Variants in EYS observed in about 807,000 individuals in gnomAD.
EYS encodes EGF-like photoreceptor maintenance factor.
EYS carries 250 observed loss-of-function variants against 282.1 expected under a neutral mutation model. The ratio of observed to expected loss-of-function variants is 0.89; its 90% CI spans 0.80 to 0.98. EYS has a LOEUF of 0.98. Among genes scored for constraint, EYS ranks in the 50% least tolerant of loss-of-function variants. The probability of loss-of-function intolerance (pLI) is 0.00; values close to 1 mark genes in which losing one functional copy is unlikely to be tolerated. For synonymous variants in EYS, 1,355 were observed against 1,282.9 expected, an observed-to-expected ratio of 1.06 and a Z score of -1.20; for missense variants, 4,016 against 3,709.0, an observed-to-expected ratio of 1.08 and a Z score of -2.15.
At chr6:65,511,030 C>T (rs974660911) in intron 2 of EYS, among the ~76,000 whole-genome samples, 2 of 152,164 alleles carry the variant, frequency 1.3e-5, no homozygotes, top group African/African-American at 4.8e-5. Context: ...ATTACTTTCT[C>T]ACCAATTCCT....
chr6:64,744,144 T>C (rs1772474947), intron 22 of EYS, among the ~76,000 whole-genome samples: 1 of 152,160 alleles, frequency 6.6e-6, no homozygotes, highest in Admixed American at 6.6e-5. Context: ...AAGCATATTT[T>C]GCCATTCAAT....
At chr6:64,383,234 G>C (rs1481058787) in intron 29 of EYS, among the ~76,000 whole-genome samples, 1 of 152,198 alleles carries the variant, frequency 6.6e-6, no homozygotes, top group African/African-American at 2.4e-5. Flanking sequence ...TCAGGAGGTC[G>C]AGGCTGCAGT....
At chr6:65,566,908 C>T (rs1470389245) in intron 2 of EYS, among the ~76,000 whole-genome samples, 2 of 152,032 alleles carry the variant, frequency 1.3e-5, no homozygotes, top group African/African-American at 4.8e-5. Flanking sequence ...AATTTGTTTA[C>T]CACAGAAACA....
At chr6:65,006,138 G>A (rs190091574) in intron 13 of EYS, among the ~76,000 whole-genome samples, 169 of 152,014 alleles carry the variant, frequency 1.1e-3, no homozygotes, top group African/African-American at 3.9e-3. Context: ...GGGCAGTTAC[G>A]TGGGACCCGT....
chr6:64,176,521 GTGTGTT>G (rs1764640149), intron 31 of EYS, among the ~76,000 whole-genome samples: 1 of 151,972 alleles, frequency 6.6e-6, no homozygotes, highest in African/African-American at 2.4e-5. Context: ...GTGTGTGTGT[GTGTGTT>G]TGTGTATGTA....
At chr6:64,986,956 C>T (rs187826382) in intron 14 of EYS, among the ~76,000 whole-genome samples, 1 of 151,376 alleles carries the variant, frequency 6.6e-6, no homozygotes, top group African/African-American at 2.4e-5. Context: ...AGAGTACTCT[C>T]TTTTTCCATT....
intron 31 of EYS, among the ~76,000 whole-genome samples, chr6:64,123,222 G>A (rs11965290): frequency 0.068 from 10,310 of 152,122 alleles, 1,063 homozygotes; most frequent in African/African-American, 0.23. Flanking sequence ...TATTCCATTC[G>A]AGCATAGCAT....
Position 63,863,663 on chromosome 6 carries a change from C to CTTTTTTTTTTT in EYS, c.7228+522_7228+523insAAAAAAAAAAA, listed in dbSNP as rs1436358110. Among the ~76,000 whole-genome samples the CTTTTTTTTTTT allele has an allele frequency of 1.4e-4, 8 of 55,792 alleles. 4 individuals are homozygous for CTTTTTTTTTTT. Among genetic ancestry groups the CTTTTTTTTTTT allele is most frequent in the Non-Finnish European group, 2.3e-4 (6 of 26,222 alleles). 36.6% of individuals were successfully genotyped at this position (55,792 alleles called of 152,430 possible). A position where few individuals can be genotyped will look rare whatever the true frequency, so the allele number is the denominator to read the frequency against. On this transcript the variant is annotated intron_variant, in intron 36 of 42. Coordinates refer to ENST00000503581, the MANE Select transcript of EYS (RefSeq NM_001142800.2). ...TTTTTCTTTTCTTTTCTTTTCTTTTCTTTTCTTTTTTCTTTTTTTTTTTTT... is the reference window on the plus strand; with the variant it reads ...TTTTTCTTTTCTTTTCTTTTCTTTTCTTTTTTTTTTTTTTTCTTTTTTCTTTTTTTTTTTTT...
At chr6:63,743,064 G>T (rs940522508) in intron 41 of EYS, among the ~76,000 whole-genome samples, 1 of 151,872 alleles carries the variant, frequency 6.6e-6, no homozygotes, top group Non-Finnish European at 1.5e-5. Context: ...TTTCTATAGC[G>T]GCTATACCAT....
intron 26 of EYS, among the ~76,000 whole-genome samples, chr6:64,457,593 T>C (rs919532285): frequency 6.6e-6 from 1 of 152,086 alleles, no homozygotes; most frequent in Non-Finnish European, 1.5e-5. Flanking sequence ...TTGACCACTT[T>C]ATCATACTAT....
intron 2 of EYS, among the ~76,000 whole-genome samples, chr6:65,618,696 A>G (rs1051495589): frequency 7.8e-4 from 119 of 152,198 alleles, no homozygotes; most frequent in African/African-American, 1.7e-3. Context: ...GGTCTAATGT[A>G]TAAGTCTTTA....
chr6:64,338,134 G>A (rs1770927362), intron 29 of EYS, among the ~76,000 whole-genome samples: 1 of 151,822 alleles, frequency 6.6e-6, no homozygotes, highest in African/African-American at 2.4e-5. Flanking sequence ...AGGCAGAGCA[G>A]TCAGACAAGA....
chr6:65,514,401 T>G (rs199938961), intron 2 of EYS, among the ~76,000 whole-genome samples: 43,782 of 151,936 alleles, frequency 0.29, 7,045 homozygotes, highest in African/African-American at 0.43. Context: ...TCCCCATCAA[T>G]CTACCAATGA....
chr6:64,883,992 T>C lies in EYS; in HGVS notation c.2992+2705A>G, dbSNP rs555114254. Among the ~76,000 whole-genome samples, 5 of 151,700 alleles carry C rather than the reference T, an allele frequency of 3.3e-5. No homozygotes were observed. The South Asian group carries it at 1.0e-3, about 31-fold the overall frequency. ...ATAAGAATAAGAACCATGTCAGCCT[T>C]GATCATCACAAAACCTCAACAGCTA... On this transcript the variant is annotated intron_variant, in intron 19 of 42. Transcript: ENST00000503581.
chr6:64,424,618 A>G (rs1041044704), intron 28 of EYS, among the ~76,000 whole-genome samples: 2 of 152,170 alleles, frequency 1.3e-5, no homozygotes, highest in African/African-American at 4.8e-5. Context: ...TTCCCGTGCT[A>G]ATTTTCTCTC....
At chr6:64,668,705 C>T (rs544504611) in intron 22 of EYS, among the ~76,000 whole-genome samples, 1 of 151,952 alleles carries the variant, frequency 6.6e-6, no homozygotes, top group African/African-American at 2.4e-5. Flanking sequence ...GCTGGGACTA[C>T]AGGTACCCGC....
intron 4 of EYS, among the ~76,000 whole-genome samples, chr6:65,493,202 G>A (rs916078466): frequency 1.3e-5 from 2 of 152,004 alleles, no homozygotes; most frequent in African/African-American, 4.8e-5. Context: ...GGCATGAGCC[G>A]CCTCCAAGTC....
intron 24 of EYS, among the ~76,000 whole-genome samples, chr6:64,607,891 T>C (rs1317658747): frequency 3.3e-5 from 5 of 152,144 alleles, no homozygotes; most frequent in African/African-American, 1.2e-4. Flanking sequence ...GCCTGTTTCC[T>C]CATCATCACC....
At chr6:64,418,347 A>C (rs1309772138) in intron 28 of EYS, among the ~76,000 whole-genome samples, 1 of 152,236 alleles carries the variant, frequency 6.6e-6, no homozygotes, top group Non-Finnish European at 1.5e-5. Context: ...GGAAAATCAC[A>C]ACCTTTTTAT....
Sources: gnomAD v4.1 joint callset for allele counts (sites outside exome capture counted in the v4.1 genomes callset) on GRCh38, gnomAD v4.1.1 for gene constraint, MANE v1.5 for transcripts, NCBI Gene and HGNC (gene_info 2026-07-23, HGNC 2026-07-21) for gene names.